MARF1: variants seen among roughly 807,000 people sequenced by gnomAD.
MARF1 encodes the protein meiosis regulator and mRNA stability factor 1.
MARF1 carries 24 observed loss-of-function variants against 168.2 expected under a neutral mutation model. That is an observed-to-expected ratio of 0.14 (90% CI 0.10 to 0.20). MARF1 has a LOEUF of 0.20. Ranked by LOEUF, MARF1 falls within the 10% of genes least tolerant of loss-of-function variation. The pLI is 1.00. For synonymous variants in MARF1, 868 were observed against 822.4 expected (o/e 1.06, Z -0.95); for missense variants, 1,744 against 2,143.6 (o/e 0.81, Z 3.68).
rs1245319526 is a variant in MARF1, at chr16:15,596,796, G to A, written c.5126C>T (p.Ser1709Leu). 2 of 1,614,160 alleles carry A rather than the reference G, an allele frequency of 1.2e-6. No homozygotes were observed. Among genetic ancestry groups the A allele is most frequent in the Admixed American group, 1.7e-5 (1 of 60,030 alleles). ...PPCPSSETSE[S>L]LLSKDPVESP... ...TTCCACGGGGTCCTTGCTGAGCAGT[G>A]ACTCGGAGGTTTCCGAGGAGGGGCA... The change falls in exon 27 of 27, where the codon TCA (serine) becomes TTA (leucine). Residue 1709 changes from serine (S) to leucine (L), a missense_variant. By Grantham distance (145) the Ser-to-Leu change is moderately radical. Around this residue, in one of 7 missense-constraint regions of MARF1, gnomAD observed 313 missense variants for 337.4 expected, o/e 0.93. Coordinates refer to ENST00000396368, the MANE Select transcript of MARF1 (RefSeq NM_014647.4).
chr16:15,635,430 T>C (rs1003704616), intron 3 of MARF1: 1 of 545,864 alleles, frequency 1.8e-6, no homozygotes, highest in Non-Finnish European at 3.2e-6. Flanking sequence ...CAAGAGGCTC[T>C]AAAAGTATAA....
intron 5 of MARF1, among the ~76,000 whole-genome samples, chr16:15,632,781 AAG>A (rs1467142180): frequency 2.1e-4 from 32 of 152,202 alleles, no homozygotes; most frequent in African/African-American, 7.5e-4. Flanking sequence ...TTAATTATCT[AAG>A]AGTCAAAAGA....
At chr16:15,597,160 T>C (rs1461421718) in intron 26 of MARF1, among the ~76,000 whole-genome samples, 2 of 152,190 alleles carry the variant, frequency 1.3e-5, no homozygotes, top group South Asian at 2.1e-4. Flanking sequence ...GATTACAAAG[T>C]TGGAAAGATC....
chr16:15,597,423 A>C (rs1180837432), intron 26 of MARF1, among the ~76,000 whole-genome samples: 1 of 152,190 alleles, frequency 6.6e-6, no homozygotes, highest in East Asian at 1.9e-4. Flanking sequence ...GGGATAAGGA[A>C]GGACTACGCA....
At chr16:15,621,021 G>A (rs1165886501) in intron 12 of MARF1, among the ~76,000 whole-genome samples, 1 of 151,974 alleles carries the variant, frequency 6.6e-6, no homozygotes, top group Non-Finnish European at 1.5e-5. Flanking sequence ...GCCTGTGGAT[G>A]GTTTTTTTTC....
intron 25 of MARF1, among the ~76,000 whole-genome samples, chr16:15,599,474 C>T (rs891472880): frequency 1.3e-5 from 2 of 152,160 alleles, no homozygotes; most frequent in Non-Finnish European, 2.9e-5. Flanking sequence ...CGCTGCACAA[C>T]GGAGGTCAGC....
intron 22 of MARF1, among the ~76,000 whole-genome samples, chr16:15,603,812 T>A (rs1167675419): frequency 6.6e-6 from 1 of 152,058 alleles, no homozygotes; most frequent in African/African-American, 2.4e-5. Context: ...ACCTTACTCA[T>A]CTCTCTCTTC....
At chr16:15,610,654 G>A in intron 19 of MARF1, 1 of 229,304 alleles carries the variant, frequency 4.4e-6, no homozygotes, top group South Asian at 8.7e-5. Context: ...AAGCCAACAG[G>A]CACGGTGACA....
intron 2 of MARF1, 108 bp from the exon 3 acceptor site, chr16:15,636,450 A>G (rs2035605300): frequency 5.3e-6 from 4 of 757,920 alleles, no homozygotes; most frequent in Non-Finnish European, 6.3e-6. Context: ...ATTCTGTTAC[A>G]TCACTAAATC....
intron 7 of MARF1, among the ~76,000 whole-genome samples, chr16:15,627,276 T>A (rs1364438130): frequency 6.6e-6 from 1 of 151,014 alleles, no homozygotes; most frequent in East Asian, 2.0e-4. Context: ...TCACTTGAGG[T>A]CAGGAGTTCA....
Position 15,612,475 on chromosome 16 carries a change from A to G in MARF1, c.3474+82T>C, listed in dbSNP as rs560069777. 193 of 1,225,856 alleles carry G rather than the reference A, an allele frequency of 1.6e-4. 2 individuals are homozygous for G. The South Asian group carries it at 2.2e-3, about 14-fold the overall frequency. The allele number at this position is 1,225,856 out of a possible 1,614,324, so 75.9% of individuals were successfully genotyped here. ...GCCCAGAACTGACTTCTTAGGAATT[A>G]AACTGTTTCTTTGATGGAGGCAGCC... On this transcript the variant is annotated intron_variant, in intron 17 of 26. Coordinates refer to ENST00000396368, the MANE Select transcript of MARF1 (RefSeq NM_014647.4).
In MARF1 at chr16:15,605,044, CA is replaced by C. The variant is rs537717707; in HGVS notation, c.4183-647del. Reference sequence around the variant, plus strand: ...TAAATGCGCTGAGAGGGAAACCTTACAAAAAAGACAGAGATTGTCACTTGGG... The same window carrying C: ...TAAATGCGCTGAGAGGGAAACCTTACAAAAAGACAGAGATTGTCACTTGGG... On this transcript the variant is annotated intron_variant, in intron 21 of 26. Transcript: ENST00000396368. Among the ~76,000 whole-genome samples, 37 of 152,292 alleles carry C rather than the reference CA, an allele frequency of 2.4e-4. No homozygotes were observed. The East Asian group carries it at 6.0e-3, about 25-fold the overall frequency.
chr16:15,626,827 G>A (rs992827507), intron 7 of MARF1, among the ~76,000 whole-genome samples: 1 of 152,030 alleles, frequency 6.6e-6, no homozygotes, highest in Admixed American at 6.6e-5. Flanking sequence ...GCTGAGCAAA[G>A]TGGCAGACGC....
intron 7 of MARF1, among the ~76,000 whole-genome samples, chr16:15,627,191 A>C (rs997295532): frequency 2.6e-5 from 4 of 151,858 alleles, no homozygotes; most frequent in African/African-American, 9.7e-5. Context: ...ATCTCTATTA[A>C]AAATTTTTAA....
At chr16:15,621,644 G>T in intron 12 of MARF1, 89 bp downstream of exon 12, 1 of 1,208,106 alleles carries the variant, frequency 8.3e-7, no homozygotes, top group Non-Finnish European at 1.2e-6. Context: ...AAGGGGGTGG[G>T]AATGTGATTG....
chr16:15,599,241 T>C, intron 25 of MARF1: 1 of 581,854 alleles, frequency 1.7e-6, no homozygotes, highest in Non-Finnish European at 3.0e-6. Context: ...CTAGTTCTTC[T>C]GAAGATCCGT....
intron 1 of MARF1, among the ~76,000 whole-genome samples, chr16:15,642,666 G>A (rs1020023339): frequency 1.3e-5 from 2 of 152,172 alleles, no homozygotes; most frequent in Non-Finnish European, 2.9e-5. Context: ...CGGGGAGGGG[G>A]GAGTGTGTTG....
chr16:15,611,866 CAT>C (rs1418758430), intron 17 of MARF1, 132 bp from the exon 18 acceptor site: 5 of 653,906 alleles, frequency 7.6e-6, no homozygotes, highest in Admixed American at 6.3e-5. Context: ...ATTTGAAACA[CAT>C]GTCGATCAAC....
At chr16:15,622,823 G>C in intron 11 of MARF1, 111 bp downstream of exon 11, 1 of 809,576 alleles carries the variant, frequency 1.2e-6, no homozygotes, top group Non-Finnish European at 1.8e-6. Context: ...GTTCAAACTT[G>C]TTCAGTCACA....
Sources: gnomAD v4.1 joint callset for allele counts (sites outside exome capture counted in the v4.1 genomes callset) on GRCh38, gnomAD v4.1.1 for gene constraint, gnomAD v4.1.1 regional missense constraint, MANE v1.5 for transcripts, NCBI Gene and HGNC (gene_info 2026-07-23, HGNC 2026-07-21) for gene names.